SSH2: variants seen among roughly 807,000 people sequenced by gnomAD.
SSH2 encodes the protein slingshot protein phosphatase 2.
Under a neutral mutation model 135.2 loss-of-function variants are expected in SSH2, and 37 were observed. The observed-to-expected ratio is 0.27, with a 90% confidence interval of 0.21 to 0.36. The LOEUF is 0.36. Ranked by LOEUF, SSH2 falls within the 10% of genes least tolerant of loss-of-function variation. The pLI is 1.00. For missense variants in SSH2, 1,408 were observed against 1,765.3 expected, an observed-to-expected ratio of 0.80 and a Z score of 3.63; for synonymous variants, 628 against 646.2, an observed-to-expected ratio of 0.97 and a Z score of 0.43.
At chr17:29,799,415 G>A (rs1038828708) in intron 2 of SSH2, among the ~76,000 whole-genome samples, 1 of 152,166 alleles carries the variant, frequency 6.6e-6, no homozygotes, top group Non-Finnish European at 1.5e-5. Context: ...AAGAGTTTTA[G>A]TTGATCTAAA....
At position 29,742,497 on chromosome 17, in the gene SSH2, TTTTC is replaced by T. The variant is rs1369003025; in HGVS notation, c.189-39439_189-39436del. 8.8e-4 allele frequency among the ~76,000 whole-genome samples: 130 copies of T among 147,628 alleles called. 1 individual carries two copies. The highest frequency in any genetic ancestry group is 1.7e-3 in the South Asian group (8 of 4,636). ...CCACACCCAGTTTTTTTTTTTTTTTTTTTCTTTTCAATTTTTTGTGGAGGTGAGG... is the reference window on the plus strand; with the variant it reads ...CCACACCCAGTTTTTTTTTTTTTTTTTTTTCAATTTTTTGTGGAGGTGAGG... On this transcript the variant is annotated intron_variant, in intron 3 of 15. Transcript: ENST00000540801.
intron 3 of SSH2, among the ~76,000 whole-genome samples, chr17:29,775,161 A>G: frequency 6.6e-6 from 1 of 152,254 alleles, no homozygotes; most frequent in Non-Finnish European, 1.5e-5. Context: ...TTTAACAATT[A>G]GGTAATTCAT....
intron 13 of SSH2, among the ~76,000 whole-genome samples, chr17:29,649,271 C>T (rs983585343): frequency 7.9e-5 from 12 of 152,118 alleles, no homozygotes; most frequent in Non-Finnish European, 1.3e-4. Flanking sequence ...CTGGGTGCCC[C>T]GTACGTCTCT....
chr17:29,695,378 G>C (rs2038682973), intron 5 of SSH2, 81 bp downstream of exon 5: 2 of 1,032,142 alleles, frequency 1.9e-6, no homozygotes, highest in Non-Finnish European at 3.0e-6. Flanking sequence ...CACTGTGTTG[G>C]GATGTAAAAA....
At chr17:29,800,295 A>G (rs2042226992) in intron 2 of SSH2, among the ~76,000 whole-genome samples, 2 of 152,218 alleles carry the variant, frequency 1.3e-5, no homozygotes, top group South Asian at 4.1e-4. Context: ...AAAATGTTCA[A>G]TTATGTTAAT....
intron 3 of SSH2, among the ~76,000 whole-genome samples, chr17:29,748,544 C>T (rs1409890578): frequency 6.6e-6 from 1 of 151,890 alleles, no homozygotes; most frequent in Non-Finnish European, 1.5e-5. Flanking sequence ...GCCCTTAAAC[C>T]ATAAATGAAT....
At chr17:29,822,088 GA>G (rs1415720544) in intron 2 of SSH2, among the ~76,000 whole-genome samples, 2 of 152,198 alleles carry the variant, frequency 1.3e-5, no homozygotes, top group Non-Finnish European at 1.5e-5. Context: ...GATGGAACCA[GA>G]TTCATCAGTG....
intron 15 of SSH2, among the ~76,000 whole-genome samples, chr17:29,634,432 G>C (rs1391944144): frequency 6.6e-6 from 1 of 152,210 alleles, no homozygotes; most frequent in Non-Finnish European, 1.5e-5. Context: ...ATGAGTCTTA[G>C]AATTGATGCG....
chr17:29,850,780 T>C (rs2065540962), intron 1 of SSH2, among the ~76,000 whole-genome samples: 1 of 152,004 alleles, frequency 6.6e-6, no homozygotes, highest in African/African-American at 2.4e-5. Context: ...GGTCAGGAGA[T>C]CAAGACCATC....
intron 1 of SSH2, among the ~76,000 whole-genome samples, chr17:29,901,303 C>T (rs1255246369): frequency 6.6e-6 from 1 of 151,964 alleles, no homozygotes; most frequent in Non-Finnish European, 1.5e-5. Flanking sequence ...AATGTTTTCT[C>T]TCTCAGTAAG....
chr17:29,840,550 G>C (rs1302498015), intron 2 of SSH2, among the ~76,000 whole-genome samples: 1 of 152,232 alleles, frequency 6.6e-6, no homozygotes, highest in East Asian at 1.9e-4. Flanking sequence ...TATTTTAGAA[G>C]TTGTCACAAG....
intron 1 of SSH2, among the ~76,000 whole-genome samples, chr17:29,885,859 C>T (rs1185716426): frequency 6.6e-6 from 1 of 152,196 alleles, no homozygotes; most frequent in African/African-American, 2.4e-5. Context: ...TCCTTTTGCT[C>T]TTCCTTATTC....
At chr17:29,849,965 G>T (rs754353842) in intron 1 of SSH2, among the ~76,000 whole-genome samples, 2 of 146,242 alleles carry the variant, frequency 1.4e-5, no homozygotes, top group Non-Finnish European at 3.0e-5. Context: ...AGGGGGCGGA[G>T]GTTTCAGTGA....
At chr17:29,700,116 G>T (rs897055211) in intron 4 of SSH2, among the ~76,000 whole-genome samples, 2 of 152,108 alleles carry the variant, frequency 1.3e-5, no homozygotes, top group Non-Finnish European at 2.9e-5. Context: ...TGGCTCAATG[G>T]GATCCAATAT....
intron 1 of SSH2, among the ~76,000 whole-genome samples, chr17:29,879,583 T>C (rs1458944801): frequency 1.3e-5 from 2 of 152,146 alleles, no homozygotes. Context: ...ATGAACTGAA[T>C]ACCTACTAGG....
At chr17:29,739,563 A>C (rs989857678) in intron 3 of SSH2, among the ~76,000 whole-genome samples, 1 of 152,244 alleles carries the variant, frequency 6.6e-6, no homozygotes, top group South Asian at 2.1e-4. Flanking sequence ...ACGTATTTGT[A>C]GTATCTGAAT....
At chr17:29,816,289 G>A (rs1278555111) in intron 2 of SSH2, among the ~76,000 whole-genome samples, 2 of 152,124 alleles carry the variant, frequency 1.3e-5, no homozygotes, top group African/African-American at 2.4e-5. Context: ...TATTTTTATA[G>A]TAACAGATAT....
chr17:29,912,229 G>A (rs2066778484), intron 1 of SSH2, among the ~76,000 whole-genome samples: 1 of 152,178 alleles, frequency 6.6e-6, no homozygotes, highest in Non-Finnish European at 1.5e-5. Flanking sequence ...GCAGAAAGAT[G>A]GGAATCAAAT....
chr17:29,902,793 G>C (rs2066582392), intron 1 of SSH2, among the ~76,000 whole-genome samples: 2 of 152,060 alleles, frequency 1.3e-5, no homozygotes, highest in Admixed American at 6.6e-5. Context: ...GCATCTAGGA[G>C]AGGTAGGAAA....
Sources: allele counts gnomAD v4.1 joint callset (sites outside exome capture counted in the v4.1 genomes callset), GRCh38; gene constraint gnomAD v4.1.1; transcripts MANE v1.5; gene names NCBI Gene and HGNC (gene_info 2026-07-23, HGNC 2026-07-21).